Variants in COL25A1 observed in about 807,000 individuals in gnomAD.
The protein encoded by COL25A1 is collagen alpha-1(XXV) chain.
A neutral mutation model predicts 128.4 loss-of-function variants in COL25A1; 103 were observed. The ratio of observed to expected loss-of-function variants is 0.80; its 90% confidence interval spans 0.68 to 0.94. The LOEUF (loss-of-function observed/expected upper bound fraction) is 0.94, where lower values mean the gene tolerates loss of function less well. COL25A1 is among the 40% of genes least tolerant of loss of function. COL25A1 has a pLI of 0.00. For synonymous variants in COL25A1, 279 were observed against 277.2 expected, an observed-to-expected ratio of 1.01 and a Z score of -0.06; for missense variants, 745 against 840.0, an observed-to-expected ratio of 0.89 and a Z score of 1.40.
At chr4:108,908,482 G>C (rs759481799) in intron 13 of COL25A1, among the ~76,000 whole-genome samples, 2 of 152,170 alleles carry the variant, frequency 1.3e-5, no homozygotes, top group Non-Finnish European at 2.9e-5. Context: ...GGGAAGCAGA[G>C]GAAGCTGTGT....
At chr4:109,052,511 A>T (rs1446372185) in intron 3 of COL25A1, among the ~76,000 whole-genome samples, 1 of 152,212 alleles carries the variant, frequency 6.6e-6, no homozygotes, top group Non-Finnish European at 1.5e-5. Flanking sequence ...AACTCTAATG[A>T]ATTTACAAAG....
intron 3 of COL25A1, among the ~76,000 whole-genome samples, chr4:109,126,367 C>T (rs1207504767): frequency 6.6e-6 from 1 of 152,072 alleles, no homozygotes; most frequent in African/African-American, 2.4e-5. Context: ...CTAAATCCAA[C>T]TCTGAAAACA....
chr4:109,173,805 T>C (rs1356194480), intron 3 of COL25A1, among the ~76,000 whole-genome samples: 1 of 152,180 alleles, frequency 6.6e-6, no homozygotes, highest in Admixed American at 6.5e-5. Flanking sequence ...TCCAAAATGC[T>C]TGAGACCATC....
chr4:109,225,605 T>C (rs1778749469), intron 3 of COL25A1, among the ~76,000 whole-genome samples: 1 of 152,122 alleles, frequency 6.6e-6, no homozygotes, highest in Non-Finnish European at 1.5e-5. Context: ...ACTGGGTATA[T>C]ACCCCAAAGA....
intron 3 of COL25A1, among the ~76,000 whole-genome samples, chr4:109,256,268 A>G (rs1246931631): frequency 6.6e-6 from 1 of 152,132 alleles, no homozygotes. Context: ...CAGAAAATGT[A>G]TGGACAGTTA....
At chr4:109,213,884 A>G (rs1777782331) in intron 3 of COL25A1, among the ~76,000 whole-genome samples, 1 of 152,164 alleles carries the variant, frequency 6.6e-6, no homozygotes. Flanking sequence ...ATGGTGAGTA[A>G]TTCAACAGAT....
chr4:109,233,837 G>A (rs1779307471), intron 3 of COL25A1, among the ~76,000 whole-genome samples: 1 of 152,066 alleles, frequency 6.6e-6, no homozygotes, highest in African/African-American at 2.4e-5. Context: ...AATACTGCTT[G>A]ATAGGTACAA....
chr4:108,907,036 G>A lies in COL25A1; in HGVS notation c.781-5864C>T, dbSNP rs540768329. 2.6e-5 allele frequency among the ~76,000 whole-genome samples: 4 copies of A among 152,246 alleles called. No homozygotes were observed. In the East Asian group the frequency reaches 5.8e-4, roughly 22 times the overall value. ...TCAGGAACCGCAAGGCAGCTGTCAC[G>A]GGAAAAGAGAAGGGAGCAAGGAAAA... On this transcript the variant is annotated intron_variant, in intron 13 of 37. Coordinates refer to ENST00000399132, the MANE Select transcript of COL25A1 (RefSeq NM_198721.4).
At chr4:109,067,614 T>C (rs867261447) in intron 3 of COL25A1, among the ~76,000 whole-genome samples, 3 of 152,204 alleles carry the variant, frequency 2.0e-5, no homozygotes, top group Non-Finnish European at 4.4e-5. Context: ...TACAGAAGAA[T>C]ATATTCTCCA....
chr4:109,269,748 C>T (rs559174690), intron 3 of COL25A1, among the ~76,000 whole-genome samples: 3 of 152,156 alleles, frequency 2.0e-5, no homozygotes, highest in East Asian at 1.9e-4. Context: ...ATACCAAAGC[C>T]GGGCAGAGAC....
chr4:109,044,141 C>T (rs541670017), intron 5 of COL25A1, among the ~76,000 whole-genome samples: 1 of 151,668 alleles, frequency 6.6e-6, no homozygotes, highest in African/African-American at 2.4e-5. Context: ...ATATATATAT[C>T]TCAAAATAGA....
chr4:108,996,289 GA>G (rs1237222386), intron 6 of COL25A1, among the ~76,000 whole-genome samples: 1,659 of 13,682 alleles, frequency 0.12, 31 homozygotes, highest in African/African-American at 0.16. Flanking sequence ...AAGCAAATGG[GA>G]AAAAAAAAAA....
chr4:109,211,940 T>C (rs761671695), intron 3 of COL25A1, among the ~76,000 whole-genome samples: 3 of 152,200 alleles, frequency 2.0e-5, no homozygotes, highest in Non-Finnish European at 4.4e-5. Context: ...TCATAAGACC[T>C]GTATTTTGAA....
chr4:109,027,014 GA>G (rs2125909917), intron 5 of COL25A1, among the ~76,000 whole-genome samples: 1 of 152,312 alleles, frequency 6.6e-6, no homozygotes, highest in African/African-American at 2.4e-5. Context: ...GCAGATGTGA[GA>G]GGAATAAAAT....
intron 5 of COL25A1, among the ~76,000 whole-genome samples, chr4:109,020,319 G>T (rs1757607104): frequency 6.6e-6 from 1 of 152,188 alleles, no homozygotes; most frequent in South Asian, 2.1e-4. Context: ...ATATTACTTA[G>T]ATAAGAATTT....
At chr4:109,028,200 T>C (rs550454802) in intron 5 of COL25A1, among the ~76,000 whole-genome samples, 25 of 152,264 alleles carry the variant, frequency 1.6e-4, no homozygotes, top group African/African-American at 5.5e-4. Context: ...TCAGAGCTCA[T>C]TGCAGTCTCA....
chr4:108,869,299 T>C, intron 19 of COL25A1, 149 bp from the exon 20 acceptor site: 1 of 518,562 alleles, frequency 1.9e-6, no homozygotes, highest in South Asian at 2.9e-5. Flanking sequence ...ATCCAGCTAC[T>C]TGCCCTATGT....
chr4:108,965,512 T>A (rs1751194333), intron 8 of COL25A1, among the ~76,000 whole-genome samples: 2 of 152,210 alleles, frequency 1.3e-5, no homozygotes, highest in Admixed American at 6.5e-5. Context: ...TATTCCATTT[T>A]AAAAAGTCAT....
chr4:108,942,096 G>A (rs1748178014), intron 8 of COL25A1: 3 of 1,000,208 alleles, frequency 3.0e-6, no homozygotes, highest in Non-Finnish European at 4.5e-6. Context: ...CCAGTAACTT[G>A]ATATATACCA....
Sources: gnomAD v4.1 joint callset for allele counts (sites outside exome capture counted in the v4.1 genomes callset) on GRCh38, gnomAD v4.1.1 for gene constraint, MANE v1.5 for transcripts, NCBI Gene and HGNC (gene_info 2026-07-23, HGNC 2026-07-21) for gene names.